MTF2: variants seen among roughly 807,000 people sequenced by gnomAD.
The protein encoded by MTF2 is metal response element binding transcription factor 2.
A neutral mutation model predicts 79.5 loss-of-function variants in MTF2; 11 were observed. That is an observed-to-expected ratio of 0.14 (90% confidence interval 0.09 to 0.23). The LOEUF (loss-of-function observed/expected upper bound fraction) is 0.23. Ranked by LOEUF, MTF2 falls within the 10% of genes least tolerant of loss-of-function variation. MTF2 has a pLI of 1.00. For synonymous variants in MTF2, 208 were observed against 232.8 expected, an observed-to-expected ratio of 0.89 and a Z score of 0.97; for missense variants, 486 against 711.2, an observed-to-expected ratio of 0.68 and a Z score of 3.60.
Position 93,079,402 on chromosome 1 carries a change from A to C in MTF2, c.-125A>C. 4 of 1,220,158 alleles carry C rather than the reference A, an allele frequency of 3.3e-6. No homozygotes were observed. Among genetic ancestry groups the C allele is most frequent in the Non-Finnish European group, 4.8e-6 (4 of 830,226 alleles). The allele number at this position is 1,220,158 out of a possible 1,614,324, so 75.6% of individuals were successfully genotyped here. The stretch of plus-strand genomic sequence containing the variant: ...TCCAAGGACCTCGGTTTGTGCGTGC[A>C]TATGTGCCGGGTACCCGGTGGGGCG... On this transcript the variant is annotated 5_prime_UTR_variant, in exon 1 of 15. Transcript: ENST00000370298.
chr1:93,121,841 A>G (rs1371133952), intron 9 of MTF2: 1 of 643,098 alleles, frequency 1.6e-6, no homozygotes, highest in East Asian at 1.4e-4. Context: ...TTGCTCTGTC[A>G]CCCAGGCTGG....
chr1:93,126,757 T>C (rs1212961723), intron 9 of MTF2, among the ~76,000 whole-genome samples: 1 of 152,078 alleles, frequency 6.6e-6, no homozygotes, highest in Non-Finnish European at 1.5e-5. Context: ...ATTATAGAGA[T>C]TATCGGTTTA....
Position 93,111,153 on chromosome 1 carries a change from A to G in MTF2, c.286+527A>G, listed in dbSNP as rs373376776. Among the ~76,000 whole-genome samples the G allele has an allele frequency of 1.1e-4, 16 of 152,310 alleles. No homozygotes were observed. In the South Asian group the frequency reaches 2.1e-3, roughly 20 times the overall value. On this transcript the variant is annotated intron_variant, in intron 3 of 14. Coordinates refer to ENST00000370298, the MANE Select transcript of MTF2 (RefSeq NM_007358.4). ...TGAAAGTATGCCTTGGTTTGGTTAT[A>G]GGTATGCTTCTTGTGATGATTTCTA...
intron 3 of MTF2, among the ~76,000 whole-genome samples, chr1:93,112,553 T>C (rs1229755586): frequency 6.6e-6 from 1 of 152,228 alleles, no homozygotes; most frequent in Admixed American, 6.5e-5. Context: ...TTTGGTGGTT[T>C]AGCATTTGCA....
intron 1 of MTF2, among the ~76,000 whole-genome samples, chr1:93,082,479 G>A (rs569146922): frequency 1.3e-5 from 2 of 151,890 alleles, no homozygotes; most frequent in East Asian, 3.9e-4. Flanking sequence ...TTGTGGAGAC[G>A]GGATCTTACT....
At chr1:93,093,333 T>C (rs1655150751) in intron 1 of MTF2, among the ~76,000 whole-genome samples, 1 of 152,212 alleles carries the variant, frequency 6.6e-6, no homozygotes, top group South Asian at 2.1e-4. Flanking sequence ...TTCATACATC[T>C]TCAGTTCCAC....
intron 1 of MTF2, among the ~76,000 whole-genome samples, chr1:93,083,316 A>G (rs547013): frequency 1 from 152,107 of 152,358 alleles, 75,929 homozygotes; most frequent in East Asian, 1. Flanking sequence ...AATTTGACGG[A>G]ATATTTGGGC....
chr1:93,134,960 C>T (rs960648895), intron 14 of MTF2, among the ~76,000 whole-genome samples: 9 of 151,602 alleles, frequency 5.9e-5, no homozygotes, highest in African/African-American at 1.9e-4. Flanking sequence ...AGAAGGACAA[C>T]GTTTTTGTTT....
At chr1:93,110,736 A>G (rs528218541) in intron 3 of MTF2, 110 bp downstream of exon 3, 1 of 880,356 alleles carries the variant, frequency 1.1e-6, no homozygotes, top group Non-Finnish European at 1.8e-6. Context: ...ATAACTCAGT[A>G]TTACTTCCTA....
Position 93,134,185 on chromosome 1 carries a change from A to C in MTF2, c.1414A>C (p.Arg472=), listed in dbSNP as rs1571257029. The C allele has an allele frequency of 1.2e-6, 2 of 1,603,030 alleles. No individual in the cohort carries two copies. Among genetic ancestry groups the C allele is most frequent in the African/African-American group, 1.3e-5 (1 of 74,748 alleles). The change falls in exon 14 of 15, where the codon AGG becomes CGG. Residue 472 remains arginine, a synonymous_variant. Coordinates refer to ENST00000370298, the MANE Select transcript of MTF2 (RefSeq NM_007358.4). The part of the protein sequence containing the change: ...AKETTSSSIS[R]HYGLSDSRKR... ...AGAAACTACCTCGTCTAGCATTTCC[A>C]GGCATTATGGGTAGATATTTTACAT...
chr1:93,100,650 G>A (rs576914280), intron 1 of MTF2, among the ~76,000 whole-genome samples: 8 of 152,132 alleles, frequency 5.3e-5, no homozygotes, highest in Admixed American at 6.5e-5. Flanking sequence ...TGGCCTTTAA[G>A]CTGCTTGCTT....
At chr1:93,128,783 C>A (rs1334534240) in intron 10 of MTF2, 1 of 150,292 alleles carries the variant, frequency 6.7e-6, no homozygotes, top group Non-Finnish European at 1.5e-5. Flanking sequence ...TTTCCAGATC[C>A]GGCACTCTAG....
At chr1:93,093,041 G>GTA (rs1655136274) in intron 1 of MTF2, among the ~76,000 whole-genome samples, 2 of 152,040 alleles carry the variant, frequency 1.3e-5, no homozygotes, top group African/African-American at 4.8e-5. Context: ...AATTAGCCAG[G>GTA]CGTGGTGGCA....
At position 93,137,474 on chromosome 1, in the gene MTF2, G is replaced by T. The variant is rs1483612076; in HGVS notation, c.*447G>T. 6.4e-6 allele frequency: 1 copy of T among 156,988 alleles called. No homozygotes were observed. Among genetic ancestry groups the T allele is most frequent in the Non-Finnish European group, 1.4e-5 (1 of 70,510 alleles). The allele number at this position is 156,988 out of a possible 1,614,324, so 9.7% of individuals were successfully genotyped here. A position where few individuals can be genotyped will look rare whatever the true frequency, so the allele number is the denominator to read the frequency against. ...TTCAATACCTTTTAGATTTCATAAAGTGCAGTGTATATAATGCCTACTGAA... is the reference window on the plus strand; with the variant it reads ...TTCAATACCTTTTAGATTTCATAAATTGCAGTGTATATAATGCCTACTGAA... On this transcript the variant is annotated 3_prime_UTR_variant, in exon 15 of 15. Transcript: ENST00000370298.
chr1:93,079,877 A>AG (rs928799441), intron 1 of MTF2, among the ~76,000 whole-genome samples: 1 of 85,552 alleles, frequency 1.2e-5, no homozygotes, highest in African/African-American at 4.6e-5. Context: ...CCTGGTGACG[A>AG]GGGGGTGGGG....
intron 1 of MTF2, among the ~76,000 whole-genome samples, chr1:93,089,257 A>G (rs1339686562): frequency 6.6e-6 from 1 of 152,194 alleles, no homozygotes; most frequent in Non-Finnish European, 1.5e-5. Context: ...TTAATTCTAG[A>G]TAAATACATA....
At chr1:93,122,546 A>C (rs925055816) in intron 9 of MTF2, among the ~76,000 whole-genome samples, 1 of 152,174 alleles carries the variant, frequency 6.6e-6, no homozygotes, top group Non-Finnish European at 1.5e-5. Context: ...AACATACTAG[A>C]AAAAATTTGC....
intron 6 of MTF2, among the ~76,000 whole-genome samples, chr1:93,116,247 T>C (rs201895453): frequency 4.2e-4 from 60 of 144,416 alleles, no homozygotes; most frequent in South Asian, 2.5e-3. Flanking sequence ...TTTTTTTTTT[T>C]GTAAAGACAG....
chr1:93,126,174 A>C (rs1373427439), intron 9 of MTF2, among the ~76,000 whole-genome samples: 2 of 150,758 alleles, frequency 1.3e-5, no homozygotes, highest in Non-Finnish European at 1.5e-5. Context: ...TTTTTTTAGC[A>C]CTCAGCATAT....
Sources: gnomAD v4.1 joint callset for allele counts (sites outside exome capture counted in the v4.1 genomes callset) on GRCh38, gnomAD v4.1.1 for gene constraint, MANE v1.5 for transcripts, NCBI Gene and HGNC (gene_info 2026-07-23, HGNC 2026-07-21) for gene names.